MYOF: variants seen among roughly 807,000 people sequenced by gnomAD.
The protein encoded by MYOF is myoferlin.
MYOF carries 244 observed loss-of-function variants against 284.2 expected under a neutral mutation model. The ratio of observed to expected loss-of-function variants is 0.86; its 90% CI spans 0.77 to 0.95. The LOEUF (loss-of-function observed/expected upper bound fraction) is 0.95. Ranked by LOEUF, MYOF falls within the 40% of genes least tolerant of loss-of-function variation. MYOF has a pLI of 0.00. For synonymous variants in MYOF, 904 were observed against 919.7 expected (o/e 0.98, Z 0.31); for missense variants, 2,496 against 2,560.6 (o/e 0.97, Z 0.54).
chr10:93,478,848 G>A (rs1267949209), intron 1 of MYOF, among the ~76,000 whole-genome samples: 44 of 146,118 alleles, frequency 3.0e-4, no homozygotes, highest in Middle Eastern at 3.6e-3. Flanking sequence ...AAAAAAGAAA[G>A]AAAGAAAGAA....
chr10:93,439,236 C>A (rs889987681), intron 3 of MYOF, among the ~76,000 whole-genome samples: 2 of 152,218 alleles, frequency 1.3e-5, no homozygotes, highest in Non-Finnish European at 2.9e-5. Flanking sequence ...GTCTCCTCAC[C>A]AAAGCCCTCC....
rs750622140 is a variant in MYOF at position 93,402,352 on chromosome 10, A to C, written c.875-5T>G. The C allele has an allele frequency of 1.2e-6, 2 of 1,606,042 alleles. No homozygotes were observed. Among genetic ancestry groups the C allele is most frequent in the Non-Finnish European group, 1.7e-6 (2 of 1,172,876 alleles). On this transcript the variant is annotated splice_region_variant and splice_polypyrimidine_tract_variant and intron_variant, in intron 10 of 53. Transcript: ENST00000359263. ...ACTTTCTCATGACAGCATGGCCTAA[A>C]ATAGAGAAGGAGTAAAAGGAAATGG...
At chr10:93,340,837 G>T (rs1233008540) in intron 38 of MYOF, among the ~76,000 whole-genome samples, 1 of 152,112 alleles carries the variant, frequency 6.6e-6, no homozygotes, top group African/African-American at 2.4e-5. Flanking sequence ...GGGAAGGGGG[G>T]CTTGAATGTG....
chr10:93,398,975 A>C (rs919478021), intron 13 of MYOF, among the ~76,000 whole-genome samples: 1 of 151,228 alleles, frequency 6.6e-6, no homozygotes, highest in Non-Finnish European at 1.5e-5. Context: ...TGGTTTCAAC[A>C]GTTTACTGGG....
intron 19 of MYOF, among the ~76,000 whole-genome samples, chr10:93,384,469 T>A (rs1003892617): frequency 1.3e-5 from 2 of 151,934 alleles, no homozygotes; most frequent in African/African-American, 4.8e-5. Flanking sequence ...ATGGTGAAAC[T>A]CTATCTCTAC....
chr10:93,453,490 G>C (rs1008099403), intron 2 of MYOF, among the ~76,000 whole-genome samples: 13 of 152,088 alleles, frequency 8.5e-5, no homozygotes, highest in African/African-American at 2.9e-4. Flanking sequence ...ATAGAAACAG[G>C]GTTTCACCAT....
At chr10:93,438,837 A>G (rs2056155894) in intron 3 of MYOF, among the ~76,000 whole-genome samples, 1 of 152,146 alleles carries the variant, frequency 6.6e-6, no homozygotes, top group South Asian at 2.1e-4. Flanking sequence ...GGCAAACTCC[A>G]TGAAAACCTC....
At chr10:93,348,428 C>T (rs1844340839) in intron 36 of MYOF, among the ~76,000 whole-genome samples, 1 of 152,186 alleles carries the variant, frequency 6.6e-6, no homozygotes, top group Non-Finnish European at 1.5e-5. Flanking sequence ...GAATCATGAG[C>T]TGACCTAGGG....
intron 4 of MYOF, among the ~76,000 whole-genome samples, chr10:93,431,095 C>G (rs2134216851): frequency 7.2e-6 from 1 of 139,560 alleles, no homozygotes; most frequent in South Asian, 2.3e-4. Flanking sequence ...ATGGCATGAT[C>G]TCGGCTCACT....
intron 29 of MYOF, among the ~76,000 whole-genome samples, chr10:93,359,564 G>A (rs998606607): frequency 4.6e-5 from 7 of 152,164 alleles, no homozygotes; most frequent in African/African-American, 1.7e-4. Flanking sequence ...TAGCCTGCCT[G>A]GGAATCACCT....
intron 16 of MYOF, 70 bp downstream of exon 16, chr10:93,396,072 G>A: frequency 8.0e-7 from 1 of 1,250,710 alleles, no homozygotes. Context: ...GGCTACCCCA[G>A]TTCATTTTTT....
chr10:93,310,422 A>T (rs1842328822), intron 52 of MYOF, 112 bp downstream of exon 52: 1 of 1,128,796 alleles, frequency 8.9e-7, no homozygotes, highest in African/African-American at 1.6e-5. Context: ...ACCACTATTA[A>T]ATACCAGATT....
intron 52 of MYOF, 113 bp from the exon 53 acceptor site, chr10:93,310,280 A>G (rs2761286): frequency 0.85 from 1,147,628 of 1,350,956 alleles, 487,909 homozygotes; most frequent in East Asian, 0.9. Flanking sequence ...GTCAAGAAAA[A>G]ATACTGTTCC....
chr10:93,464,346 GTC>G (rs915174803), intron 1 of MYOF, among the ~76,000 whole-genome samples: 1 of 152,110 alleles, frequency 6.6e-6, no homozygotes, highest in Non-Finnish European at 1.5e-5. Context: ...CTCTCTTTCT[GTC>G]TCTGCACAAA....
At chr10:93,368,320 A>G (rs955560654) in intron 25 of MYOF, among the ~76,000 whole-genome samples, 1 of 152,184 alleles carries the variant, frequency 6.6e-6, no homozygotes, top group Non-Finnish European at 1.5e-5. Flanking sequence ...ACTGTTTCTT[A>G]AAGTGGTCCC....
At chr10:93,444,603 T>C (rs547484111) in intron 3 of MYOF, among the ~76,000 whole-genome samples, 171 of 152,364 alleles carry the variant, frequency 1.1e-3, no homozygotes, top group African/African-American at 4.1e-3. Flanking sequence ...GGGGCTGCTC[T>C]AGGCTGGATG....
At chr10:93,321,081 T>C (rs976136798) in intron 48 of MYOF, among the ~76,000 whole-genome samples, 1 of 152,212 alleles carries the variant, frequency 6.6e-6, no homozygotes, top group Non-Finnish European at 1.5e-5. Context: ...CCAGGTACTT[T>C]ACATGCATTA....
chr10:93,474,792 G>A (rs2134399053), intron 1 of MYOF, among the ~76,000 whole-genome samples: 1 of 151,710 alleles, frequency 6.6e-6, no homozygotes, highest in East Asian at 1.9e-4. Context: ...TGTTGCCCAG[G>A]CTGGAGTGTA....
intron 52 of MYOF, 40 bp downstream of exon 52, chr10:93,310,494 C>G: frequency 1.3e-6 from 2 of 1,589,320 alleles, no homozygotes; most frequent in Non-Finnish European, 1.7e-6. Flanking sequence ...TCTCAGCCTG[C>G]AGGTGTTTGG....
Sources: allele counts gnomAD v4.1 joint callset (sites outside exome capture counted in the v4.1 genomes callset), GRCh38; gene constraint gnomAD v4.1.1; transcripts MANE v1.5; gene names NCBI Gene and HGNC (gene_info 2026-07-23, HGNC 2026-07-21).